The following LAMA2 variants were observed in gnomAD, a reference collection of about 807,000 sequenced individuals.
LAMA2 encodes laminin subunit alpha 2.
LAMA2 carries 269 observed loss-of-function variants against 364.8 expected under a neutral mutation model. The observed-to-expected ratio is 0.74, with a 90% CI of 0.67 to 0.82. LAMA2 has a LOEUF of 0.82. LAMA2 is among the 40% of genes least tolerant of loss of function. The pLI, the probability that LAMA2 is intolerant of heterozygous loss-of-function variation, is 0.00. For missense variants in LAMA2, 3,807 were observed against 3,873.2 expected, an observed-to-expected ratio of 0.98 and a Z score of 0.45; for synonymous variants, 1,379 against 1,370.6, an observed-to-expected ratio of 1.01 and a Z score of -0.14.
rs1774559094 is a variant in LAMA2 at position 129,315,768 on chromosome 6, G to A, written c.3742G>A (p.Ala1248Thr). The A allele has an allele frequency of 6.2e-7, 1 of 1,613,942 alleles. No homozygotes were observed. The highest frequency in any genetic ancestry group is 2.2e-5 in the East Asian group (1 of 44,880). The change falls in exon 26 of 65, where the codon GCC (alanine) becomes ACC (threonine). Residue 1248 changes from alanine to threonine, a missense_variant. Physicochemically the swap from Ala to Thr is moderately conservative, Grantham distance 58. This residue lies in a region of LAMA2 where 3,333 missense variants were observed against 3,345.7 expected (regional missense o/e 1.00). Coordinates refer to ENST00000421865, the MANE Select transcript of LAMA2 (RefSeq NM_000426.4). ...PEQFEGKKLM[A>T]YGGKLKYAIY... is the part of the protein sequence containing the mutation. The stretch of plus-strand genomic sequence containing the variant: ...CTTCTTTTTATTTTGTCAGTTGATG[G>A]CCTATGGGGGCAAACTCAAGTATGC...
intron 21 of LAMA2, among the ~76,000 whole-genome samples, chr6:129,299,058 C>A (rs556289231): frequency 6.6e-6 from 1 of 151,476 alleles, no homozygotes; most frequent in East Asian, 1.9e-4. Flanking sequence ...ATAAATGAGA[C>A]CAAGAATATT....
At chr6:129,439,521 C>G (rs1418963633) in intron 42 of LAMA2, among the ~76,000 whole-genome samples, 1 of 152,064 alleles carries the variant, frequency 6.6e-6, no homozygotes, top group South Asian at 2.1e-4. Context: ...CCACTGCATT[C>G]TCTCTTGATA....
intron 4 of LAMA2, among the ~76,000 whole-genome samples, chr6:129,128,633 G>A (rs146925271): frequency 3.0e-4 from 46 of 152,250 alleles, no homozygotes; most frequent in African/African-American, 1.0e-3. Context: ...CATGAACACA[G>A]GATATCTTTC....
chr6:129,285,408 T>A (rs774274076), intron 18 of LAMA2, among the ~76,000 whole-genome samples: 15 of 152,134 alleles, frequency 9.9e-5, no homozygotes, highest in Admixed American at 1.3e-4. Flanking sequence ...CTTTAGTTAT[T>A]CTATTTAATT....
chr6:129,367,736 T>C (rs1777855395), intron 33 of LAMA2, among the ~76,000 whole-genome samples: 1 of 152,228 alleles, frequency 6.6e-6, no homozygotes, highest in South Asian at 2.1e-4. Context: ...CAAGAATAAC[T>C]AACATTTATT....
intron 3 of LAMA2, among the ~76,000 whole-genome samples, chr6:129,087,252 A>G (rs1346455074): frequency 6.6e-6 from 1 of 152,242 alleles, no homozygotes; most frequent in South Asian, 2.1e-4. Context: ...CCTGTCTCTT[A>G]GAGTTCTTGT....
chr6:129,251,941 A>C, intron 13 of LAMA2, 143 bp from the exon 14 acceptor site: 1 of 634,244 alleles, frequency 1.6e-6, no homozygotes, highest in Non-Finnish European at 2.7e-6. Context: ...TCTCCAAAAA[A>C]AAATAAATAA....
intron 1 of LAMA2, among the ~76,000 whole-genome samples, chr6:128,995,857 A>G (rs995412052): frequency 1.3e-5 from 2 of 152,238 alleles, no homozygotes; most frequent in Admixed American, 1.3e-4. Context: ...ATTTTTTGGT[A>G]TAGATCACTA....
intron 1 of LAMA2, among the ~76,000 whole-genome samples, chr6:129,035,528 A>ATTTTTTTTTT (rs143564398): frequency 7.5e-6 from 1 of 133,480 alleles, no homozygotes; most frequent in Non-Finnish European, 1.6e-5. Flanking sequence ...CCATTTGTTC[A>ATTTTTTTTTT]TTTTTTTTTT....
intron 1 of LAMA2, among the ~76,000 whole-genome samples, chr6:128,978,799 C>A (rs913874931): frequency 6.6e-6 from 1 of 152,150 alleles, no homozygotes; most frequent in Non-Finnish European, 1.5e-5. Flanking sequence ...GGAAGTGACT[C>A]TTGGAAGAAT....
intron 60 of LAMA2, 59 bp from the exon 61 acceptor site, chr6:129,505,141 A>G (rs922798441): frequency 1.4e-6 from 2 of 1,442,122 alleles, no homozygotes; most frequent in African/African-American, 2.8e-5. Context: ...TATGTCTTAT[A>G]CTCTGCATAT....
chr6:129,220,376 T>C (rs1267513637), intron 12 of LAMA2, among the ~76,000 whole-genome samples: 2 of 152,156 alleles, frequency 1.3e-5, no homozygotes, highest in Non-Finnish European at 2.9e-5. Context: ...ATAAAAGTAA[T>C]GACAAGGTAA....
At chr6:129,335,845 C>T (rs886364871) in intron 29 of LAMA2, among the ~76,000 whole-genome samples, 6 of 152,268 alleles carry the variant, frequency 3.9e-5, no homozygotes, top group South Asian at 2.1e-4. Context: ...CCACAAACTG[C>T]GTTCTCCAGA....
intron 1 of LAMA2, among the ~76,000 whole-genome samples, chr6:128,967,172 G>A (rs1450612777): frequency 6.6e-6 from 1 of 152,114 alleles, no homozygotes; most frequent in African/African-American, 2.4e-5. Flanking sequence ...GCAGCATCAG[G>A]GAATGATTAT....
chr6:129,415,465 T>C (rs1372327885), intron 40 of LAMA2, among the ~76,000 whole-genome samples: 2 of 152,148 alleles, frequency 1.3e-5, no homozygotes, highest in African/African-American at 4.8e-5. Flanking sequence ...CTTCTCCAAA[T>C]TTTTTCTATC....
At chr6:128,972,755 G>T (rs1246674149) in intron 1 of LAMA2, among the ~76,000 whole-genome samples, 1 of 151,874 alleles carries the variant, frequency 6.6e-6, no homozygotes, top group Non-Finnish European at 1.5e-5. Context: ...TGGAAAGGAT[G>T]GTTTGTAGAA....
At chr6:129,018,465 AT>A (rs1438143854) in intron 1 of LAMA2, among the ~76,000 whole-genome samples, 1 of 151,866 alleles carries the variant, frequency 6.6e-6, no homozygotes, top group Non-Finnish European at 1.5e-5. Context: ...ACTTATTAAT[AT>A]GAAATGAGGT....
chr6:129,174,690 A>C (rs7741948), intron 9 of LAMA2, among the ~76,000 whole-genome samples: 2,388 of 152,114 alleles, frequency 0.016, 57 homozygotes, highest in African/African-American at 0.054. Context: ...TTGCCAGTCA[A>C]CTCCAGGAAA....
At chr6:129,024,286 G>A (rs1179303244) in intron 1 of LAMA2, among the ~76,000 whole-genome samples, 1 of 151,338 alleles carries the variant, frequency 6.6e-6, no homozygotes, top group African/African-American at 2.4e-5. Flanking sequence ...TAGGAAGCAT[G>A]ATAGACTCAA....
Sources: gnomAD v4.1 joint callset for allele counts (sites outside exome capture counted in the v4.1 genomes callset) on GRCh38, gnomAD v4.1.1 for gene constraint, gnomAD v4.1.1 regional missense constraint, MANE v1.5 for transcripts, NCBI Gene and HGNC (gene_info 2026-07-23, HGNC 2026-07-21) for gene names.